TANC2: variants seen among roughly 807,000 people sequenced by gnomAD.
TANC2 encodes the protein tetratricopeptide repeat, ankyrin repeat and coiled-coil containing 2.
A neutral mutation model predicts 210.5 loss-of-function variants in TANC2; 26 were observed. The observed-to-expected ratio is 0.12, with a 90% CI of 0.09 to 0.17. The LOEUF (loss-of-function observed/expected upper bound fraction) is 0.17, where lower values mean the gene tolerates loss of function less well. TANC2 is among the 10% of genes least tolerant of loss of function. The pLI, the probability that TANC2 is intolerant of heterozygous loss-of-function variation, is 1.00. For missense variants in TANC2, 2,129 were observed against 2,608.9 expected (o/e 0.82, Z 4.01); for synonymous variants, 931 against 967.1 (o/e 0.96, Z 0.69).
At chr17:63,119,104 A>G (rs1043393455) in intron 4 of TANC2, among the ~76,000 whole-genome samples, 3 of 151,802 alleles carry the variant, frequency 2.0e-5, no homozygotes, top group South Asian at 2.1e-4. Context: ...TTTTTAAAAC[A>G]TTTTTATAGA....
At chr17:63,021,570 T>A (rs2034350045) in intron 2 of TANC2, among the ~76,000 whole-genome samples, 1 of 152,232 alleles carries the variant, frequency 6.6e-6, no homozygotes. Context: ...CCTTCACAGC[T>A]GTGAGCCAAA....
intron 18 of TANC2, 138 bp from the exon 19 acceptor site, chr17:63,398,683 C>T (rs575107373): frequency 1.5e-5 from 8 of 535,476 alleles, no homozygotes; most frequent in African/African-American, 3.8e-5. Context: ...TTTATTAGGA[C>T]GGTCAATTCT....
chr17:63,184,013 T>C (rs1288773899), intron 5 of TANC2, among the ~76,000 whole-genome samples: 1 of 146,576 alleles, frequency 6.8e-6, no homozygotes, highest in Admixed American at 6.7e-5. Context: ...AGACTCCGTC[T>C]CAAAAAAAAA....
intron 4 of TANC2, among the ~76,000 whole-genome samples, chr17:63,107,553 T>G (rs2037874944): frequency 6.6e-6 from 1 of 151,698 alleles, no homozygotes; most frequent in African/African-American, 2.4e-5. Flanking sequence ...AGCAGCATTA[T>G]TCATAATAGC....
intron 2 of TANC2, among the ~76,000 whole-genome samples, chr17:63,073,089 T>G (rs1357478000): frequency 6.6e-6 from 1 of 152,130 alleles, no homozygotes; most frequent in East Asian, 1.9e-4. Context: ...GGAAATTGTT[T>G]GATGCCTTAA....
At chr17:63,390,923 T>C (rs2047949337) in intron 17 of TANC2, 1 of 152,196 alleles carries the variant, frequency 6.6e-6, no homozygotes, top group Admixed American at 6.5e-5. Context: ...CTATCACGCC[T>C]CTTCTGCCCT....
chr17:63,256,538 C>T (rs1336493511), intron 8 of TANC2, among the ~76,000 whole-genome samples: 3 of 152,138 alleles, frequency 2.0e-5, no homozygotes, highest in Non-Finnish European at 2.9e-5. Flanking sequence ...GAGAATGATC[C>T]ATGTGCTGAA....
At chr17:63,422,342 G>A (rs1003236636) in exon 28 of TANC2, 10 of 187,012 alleles carry the variant, frequency 5.3e-5, no homozygotes, top group Non-Finnish European at 9.0e-5. Flanking sequence ...GTTCTTGTTC[G>A]TTTTCTTCTA....
chr17:63,243,289 G>A (rs553443164), intron 8 of TANC2, among the ~76,000 whole-genome samples: 1 of 152,228 alleles, frequency 6.6e-6, no homozygotes, highest in South Asian at 2.1e-4. Flanking sequence ...AAAGTTGTTT[G>A]ACAAGATGTA....
At chr17:63,332,083 C>T in intron 11 of TANC2, 1 of 336,342 alleles carries the variant, frequency 3.0e-6, no homozygotes, top group Non-Finnish European at 5.8e-6. Flanking sequence ...TGAATAATTT[C>T]ATCCTCCCCT....
chr17:63,224,826 C>G (rs2145960907), intron 7 of TANC2, among the ~76,000 whole-genome samples: 1 of 152,242 alleles, frequency 6.6e-6, no homozygotes, highest in East Asian at 1.9e-4. Context: ...GTAGTCCCTT[C>G]TAATCTCCAC....
At chr17:63,423,866 A>G (rs1016930247) in exon 28 of TANC2, 1 of 152,226 alleles carries the variant, frequency 6.6e-6, no homozygotes, top group African/African-American at 2.4e-5. Flanking sequence ...GGCATCAGCG[A>G]CGCCTTCTCA....
chr17:63,013,762 TAAAAAAAA>T (rs34126221), intron 2 of TANC2, among the ~76,000 whole-genome samples: 3 of 101,762 alleles, frequency 2.9e-5, no homozygotes, highest in African/African-American at 7.6e-5. Flanking sequence ...ACCCTGTCTT[TAAAAAAAA>T]AAAAAAAAAA....
intron 2 of TANC2, among the ~76,000 whole-genome samples, chr17:63,023,705 G>A (rs2034439696): frequency 1.3e-5 from 2 of 152,174 alleles, no homozygotes; most frequent in Admixed American, 6.6e-5. Context: ...GGATGTTAGA[G>A]TTTTGAGTTT....
At chr17:63,339,779 G>T (rs2046166123) in intron 11 of TANC2, among the ~76,000 whole-genome samples, 1 of 152,122 alleles carries the variant, frequency 6.6e-6, no homozygotes, top group Non-Finnish European at 1.5e-5. Flanking sequence ...TGATATCAAT[G>T]TAAGTCTTTA....
intron 4 of TANC2, among the ~76,000 whole-genome samples, chr17:63,140,415 G>A (rs578138300): frequency 6.6e-6 from 1 of 152,318 alleles, no homozygotes; most frequent in African/African-American, 2.4e-5. Flanking sequence ...CAGGGCAGCT[G>A]TCCTTTATTG....
chr17:63,192,276 A>G (rs532302262), intron 5 of TANC2, among the ~76,000 whole-genome samples: 2 of 152,346 alleles, frequency 1.3e-5, no homozygotes, highest in South Asian at 2.1e-4. Context: ...GTCAAACCAG[A>G]TGAAAAGGAC....
chr17:63,204,727 G>A (rs565488720), intron 7 of TANC2, among the ~76,000 whole-genome samples: 7 of 152,242 alleles, frequency 4.6e-5, no homozygotes, highest in East Asian at 3.9e-4. Context: ...AAAATTGGAC[G>A]ACTCACATTT....
intron 12 of TANC2, among the ~76,000 whole-genome samples, chr17:63,340,955 C>T (rs2046209758): frequency 1.3e-5 from 2 of 152,196 alleles, no homozygotes; most frequent in Non-Finnish European, 2.9e-5. Flanking sequence ...CTCTGCAGTT[C>T]TAGTGTTAGC....
Sources: gnomAD v4.1 joint callset for allele counts (sites outside exome capture counted in the v4.1 genomes callset) on GRCh38, gnomAD v4.1.1 for gene constraint, MANE v1.5 for transcripts, NCBI Gene and HGNC (gene_info 2026-07-23, HGNC 2026-07-21) for gene names.